SMYD5: variants seen among roughly 807,000 people sequenced by gnomAD.
SMYD5 encodes the protein protein-lysine N-trimethyltransferase SMYD5.
Under a neutral mutation model 57.4 loss-of-function variants are expected in SMYD5, and 35 were observed. That is an observed-to-expected ratio of 0.61 (90% confidence interval 0.47 to 0.81). The LOEUF is 0.81. SMYD5 is among the 30% of genes least tolerant of loss of function. SMYD5 has a pLI of 0.00. For missense variants in SMYD5, 471 were observed against 527.9 expected, an observed-to-expected ratio of 0.89 and a Z score of 1.06; for synonymous variants, 198 against 189.7, an observed-to-expected ratio of 1.04 and a Z score of -0.36.
Position 73,225,803 on chromosome 2 carries a change from T to C in SMYD5, c.1114T>C (p.Tyr372His), listed in dbSNP as rs1281100997. The change falls in exon 13 of 13, where the codon TAT becomes CAT. Residue 372 changes from tyrosine (Y) to histidine (H), a missense_variant. Tyr to His is a moderately conservative substitution (Grantham distance 83). Coordinates refer to ENST00000389501, the MANE Select transcript of SMYD5 (RefSeq NM_006062.3). ...HSRHKILREN[Y>H]LFVCSCPKCL... ...CATCCCCCACCGCTGCAGGGAGAAC[T>C]ATCTATTTGTCTGTTCCTGTCCCAA... The C allele has an allele frequency of 6.2e-7, 1 of 1,614,022 alleles. No individual in the cohort carries two copies. Among genetic ancestry groups the C allele is most frequent in the Non-Finnish European group, 8.5e-7 (1 of 1,180,012 alleles).
intron 1 of SMYD5, 125 bp from the exon 2 acceptor site, chr2:73,218,736 C>T: frequency 1.5e-6 from 1 of 670,584 alleles, no homozygotes; most frequent in Non-Finnish European, 2.7e-6. Flanking sequence ...TCCATGAACT[C>T]ACAGAGGCAG....
rs781106745 is a variant in SMYD5, at chr2:73,220,730, C to G, written c.415C>G (p.Pro139Ala). ...ATACCACCAGGTCCTGTGCCCAGGC[C>G]CCTCCCAGGATGACCCCTTGCATCC... ...EQYHQVLCPG[P>A]SQDDPLHPLN... The change falls in exon 4 of 13, where the codon CCC becomes GCC. Residue 139 changes from proline (P) to alanine (A), a missense_variant. By Grantham distance (27) the Pro-to-Ala change is conservative (BLOSUM62 -1). Transcript: ENST00000389501. 1.2e-6 allele frequency: 2 copies of G among 1,613,938 alleles called. No individual in the cohort carries two copies. The highest frequency in any genetic ancestry group is 2.7e-5 in the African/African-American group (2 of 74,898).
chr2:73,222,350 T>C (rs1374018518), intron 6 of SMYD5, among the ~76,000 whole-genome samples: 4 of 152,196 alleles, frequency 2.6e-5, no homozygotes, highest in Non-Finnish European at 5.9e-5. Flanking sequence ...CTGCAGGAGC[T>C]GCCTGAGGGT....
At position 73,214,301 on chromosome 2, in the gene SMYD5, G is replaced by T. The variant is rs1206883150; in HGVS notation, c.35G>T (p.Cys12Phe). The change falls in exon 1 of 13, where the codon TGC (cysteine) becomes TTC (phenylalanine). Residue 12 changes from cysteine to phenylalanine, a missense_variant. Coordinates refer to ENST00000389501, the MANE Select transcript of SMYD5 (RefSeq NM_006062.3). ...AASMCDVFSF[C>F]VGVAGRARVS... ...TCCATGTGCGACGTGTTCTCCTTCT[G>T]CGTGGGCGTGGCGGGCCGCGCGCGG... 1 of 1,613,948 alleles carries T rather than the reference G, an allele frequency of 6.2e-7. No homozygotes were observed. The highest frequency in any genetic ancestry group is 2.2e-5 in the East Asian group (1 of 44,866).
chr2:73,222,299 A>T (rs1574341447), intron 6 of SMYD5, among the ~76,000 whole-genome samples: 1 of 152,354 alleles, frequency 6.6e-6, no homozygotes, highest in East Asian at 1.9e-4. Context: ...ACCCGTTCCC[A>T]ATCAAAGAGT....
intron 9 of SMYD5, 135 bp from the exon 10 acceptor site, chr2:73,223,812 A>G: frequency 1.2e-6 from 1 of 832,184 alleles, no homozygotes; most frequent in Non-Finnish European, 2.1e-6. Context: ...AAGTTTAGGT[A>G]AGATGGTAGG....
chr2:73,221,241 C>T lies in SMYD5; in HGVS notation c.537+7C>T, dbSNP rs975049600. Reference sequence around the variant, plus strand: ...GGTGGCCACAGTGAAGCAGGTGAGCCCACCCAACCCTCTCGGGGAAGCTGA... The same window carrying T: ...GGTGGCCACAGTGAAGCAGGTGAGCTCACCCAACCCTCTCGGGGAAGCTGA... On this transcript the variant is annotated splice_region_variant and intron_variant, in intron 5 of 12. Coordinates refer to ENST00000389501, the MANE Select transcript of SMYD5 (RefSeq NM_006062.3). 8 of 1,612,738 alleles carry T rather than the reference C, an allele frequency of 5.0e-6. No individual in the cohort carries two copies. In the Admixed American group the frequency reaches 6.7e-5, roughly 13 times the overall value.
chr2:73,225,203 T>C, intron 11 of SMYD5: 1 of 503,394 alleles, frequency 2.0e-6, no homozygotes, highest in Non-Finnish European at 3.5e-6. Context: ...CTCAGATTCT[T>C]GTCCCCAGCT....
Position 73,226,028 on chromosome 2 carries a change from A to G in SMYD5, c.*82A>G, listed in dbSNP as rs1457652836. On this transcript the variant is annotated 3_prime_UTR_variant, in exon 13 of 13. Transcript: ENST00000389501. ...CCCCCAGAGAAGTGGCTTGGAGGGA[A>G]CTTCCCACTCCCATTGCCTGCTTTC... The G allele has an allele frequency of 6.7e-7, 1 of 1,492,510 alleles. No individual in the cohort carries two copies. Among genetic ancestry groups the G allele is most frequent in the Middle Eastern group, 2.2e-4 (1 of 4,534 alleles). 92.5% of individuals were successfully genotyped at this position (1,492,510 alleles called of 1,614,324 possible).
At chr2:73,218,674 AG>A (rs1296878095) in intron 1 of SMYD5, among the ~76,000 whole-genome samples, 186 bp from the exon 2 acceptor site, 2 of 152,218 alleles carry the variant, frequency 1.3e-5, no homozygotes, top group African/African-American at 2.4e-5. Context: ...AACTGAAAAT[AG>A]GTCAGAGCTG....
intron 11 of SMYD5, chr2:73,225,277 A>C (rs1686478333): frequency 2.1e-6 from 1 of 483,312 alleles, no homozygotes; most frequent in African/African-American, 1.9e-5. Flanking sequence ...TTGTGGGTTT[A>C]GGGTCTTGTC....
chr2:73,222,316 C>T (rs947373694), intron 6 of SMYD5, among the ~76,000 whole-genome samples: 2 of 152,198 alleles, frequency 1.3e-5, no homozygotes, highest in Non-Finnish European at 2.9e-5. Flanking sequence ...GAGTATGGGT[C>T]CTCACTGAGG....
In SMYD5 at chr2:73,220,224, G is replaced by A. The variant is rs372736747; in HGVS notation, c.345+34G>A. 65 of 1,609,858 alleles carry A rather than the reference G, an allele frequency of 4.0e-5. 1 individual carries two copies. In the African/African-American group the frequency reaches 8.0e-4, roughly 20 times the overall value. On this transcript the variant is annotated intron_variant, in intron 3 of 12. Transcript: ENST00000389501. ...TCTTGGGGAGTGTACCTGGAAGGGG[G>A]TGGGTGAGGGAGGCCTTAGCTGGAG...
chr2:73,221,299 T>C, intron 5 of SMYD5, 65 bp downstream of exon 5: 1 of 1,295,510 alleles, frequency 7.7e-7, no homozygotes, highest in Non-Finnish European at 1.1e-6. Context: ...GTCTCAGTCT[T>C]TTCCTCACCT....
chr2:73,224,376 C>T (rs1686460159), intron 10 of SMYD5, among the ~76,000 whole-genome samples: 2 of 152,066 alleles, frequency 1.3e-5, no homozygotes, highest in Admixed American at 1.3e-4. Context: ...CTCATCAGCA[C>T]CTGATGAGAA....
intron 1 of SMYD5, among the ~76,000 whole-genome samples, chr2:73,217,677 G>A (rs1021657340): frequency 4.6e-5 from 7 of 152,198 alleles, no homozygotes; most frequent in African/African-American, 7.2e-5. Flanking sequence ...AGAGGCAACC[G>A]TATCTGGCCT....
intron 1 of SMYD5, among the ~76,000 whole-genome samples, chr2:73,216,713 CTATTACATAGTCTTAAGAG>C (rs1257328356): frequency 6.6e-6 from 1 of 152,008 alleles, no homozygotes; most frequent in Non-Finnish European, 1.5e-5. Context: ...CAACAAAAAT[CTATTACATAGTCTTAAGAG>C]TTTTGCACTA....
chr2:73,224,517 T>C (rs1686462320), intron 10 of SMYD5, among the ~76,000 whole-genome samples: 1 of 152,180 alleles, frequency 6.6e-6, no homozygotes, highest in Non-Finnish European at 1.5e-5. Flanking sequence ...TCAGAGGGCC[T>C]GTGTCAGCTG....
intron 1 of SMYD5, chr2:73,214,805 G>A (rs1256120436): frequency 2.3e-6 from 3 of 1,308,760 alleles, no homozygotes; most frequent in East Asian, 5.5e-5. Context: ...GGAGTGCTGA[G>A]GAATTTGGAC....
Sources: gnomAD v4.1 joint callset for allele counts (sites outside exome capture counted in the v4.1 genomes callset) on GRCh38, gnomAD v4.1.1 for gene constraint, MANE v1.5 for transcripts, NCBI Gene and HGNC (gene_info 2026-07-23, HGNC 2026-07-21) for gene names.